Variants in SLC25A37 observed in about 807,000 individuals in gnomAD.
SLC25A37 encodes the protein solute carrier family 25 member 37, also known as mitoferrin-1.
A neutral mutation model predicts 31.0 loss-of-function variants in SLC25A37; 17 were observed. The ratio of observed to expected loss-of-function variants is 0.55; its 90% confidence interval spans 0.38 to 0.82. The LOEUF is 0.82. Among genes scored for constraint, SLC25A37 ranks in the 40% least tolerant of loss-of-function variants. SLC25A37 has a pLI of 0.00. For missense variants in SLC25A37, 404 were observed against 465.8 expected (o/e 0.87, Z 1.22); for synonymous variants, 222 against 193.0 (o/e 1.15, Z -1.24).
intron 1 of SLC25A37, among the ~76,000 whole-genome samples, chr8:23,563,936 G>A (rs903049937): frequency 1.3e-5 from 2 of 152,132 alleles, no homozygotes; most frequent in African/African-American, 4.8e-5. Context: ...AGCCGAGATT[G>A]TGCCACTGCA....
At chr8:23,531,466 T>G (rs562170769) in intron 1 of SLC25A37, among the ~76,000 whole-genome samples, 1 of 152,358 alleles carries the variant, frequency 6.6e-6, no homozygotes, top group South Asian at 2.1e-4. Context: ...CCTCTCCACA[T>G]TTTTAACCCA....
chr8:23,530,998 C>T (rs965448798), intron 1 of SLC25A37, among the ~76,000 whole-genome samples: 12 of 152,270 alleles, frequency 7.9e-5, no homozygotes, highest in Admixed American at 2.0e-4. Flanking sequence ...GTATTACTTT[C>T]CATAGCAGTT....
In SLC25A37 at chr8:23,574,817, C is replaced by T. The variant is rs1377173202; in HGVS notation, c.*2962C>T. 1 of 155,360 alleles carries T rather than the reference C, an allele frequency of 6.4e-6. No homozygotes were observed. Among genetic ancestry groups the T allele is most frequent in the Non-Finnish European group, 1.5e-5 (1 of 68,350 alleles). 9.6% of individuals were successfully genotyped at this position (155,360 alleles called of 1,614,324 possible). A position where few individuals can be genotyped will look rare whatever the true frequency, so the allele number is the denominator to read the frequency against. On this transcript the variant is annotated 3_prime_UTR_variant, in exon 4 of 4. Transcript: ENST00000519973. ...GGTGACCAATTCAGTGTAACCTTTG[C>T]ACGTACTCAGTCATTGGTGTCTTTG...
chr8:23,554,043 C>T (rs570155385), intron 1 of SLC25A37, among the ~76,000 whole-genome samples: 1 of 116,458 alleles, frequency 8.6e-6, no homozygotes, highest in Admixed American at 8.0e-5. Flanking sequence ...GCGTCCATCC[C>T]TTTGTGAGAG....
chr8:23,565,309 C>A (rs1266509456), intron 1 of SLC25A37, among the ~76,000 whole-genome samples: 4 of 152,116 alleles, frequency 2.6e-5, no homozygotes, highest in African/African-American at 9.7e-5. Context: ...AATTAACCAT[C>A]ACACCTGTGC....
chr8:23,537,360 G>A (rs903041293), intron 1 of SLC25A37, among the ~76,000 whole-genome samples: 1 of 152,038 alleles, frequency 6.6e-6, no homozygotes, highest in African/African-American at 2.4e-5. Flanking sequence ...TATTTGTATT[G>A]TTTATGGTCT....
intron 1 of SLC25A37, among the ~76,000 whole-genome samples, chr8:23,548,809 A>G (rs533644677): frequency 6.6e-6 from 1 of 152,172 alleles, no homozygotes; most frequent in Admixed American, 6.5e-5. Context: ...GAAACACAGC[A>G]TTAAGGGTAA....
intron 1 of SLC25A37, among the ~76,000 whole-genome samples, chr8:23,536,968 GGAGGATCACTT>G (rs769073518): frequency 1.3e-5 from 2 of 152,298 alleles, no homozygotes; most frequent in Non-Finnish European, 2.9e-5. Context: ...GGCCGAGGTG[GGAGGATCACTT>G]GAGGCCAGGA....
intron 1 of SLC25A37, among the ~76,000 whole-genome samples, chr8:23,549,687 A>G (rs1219959072): frequency 4.6e-5 from 7 of 152,114 alleles, no homozygotes; most frequent in Non-Finnish European, 1.0e-4. Flanking sequence ...TAGAGCTGTG[A>G]CTTGGCACCA....
At chr8:23,544,978 C>T (rs758689023) in intron 1 of SLC25A37, among the ~76,000 whole-genome samples, 5 of 152,228 alleles carry the variant, frequency 3.3e-5, no homozygotes, top group Admixed American at 6.5e-5. Context: ...GGAGGCTAAG[C>T]GGTCACATCA....
chr8:23,550,718 G>A, intron 1 of SLC25A37, among the ~76,000 whole-genome samples: 1 of 152,266 alleles, frequency 6.6e-6, no homozygotes, highest in East Asian at 1.9e-4. Context: ...GAACAGGGCT[G>A]TGTCCATCTT....
intron 1 of SLC25A37, among the ~76,000 whole-genome samples, chr8:23,546,538 T>C (rs1317905613): frequency 4.5e-5 from 1 of 22,044 alleles, no homozygotes; most frequent in Admixed American, 3.7e-4. Flanking sequence ...GGTGTATATA[T>C]ATATATATAT....
Position 23,538,396 on chromosome 8 carries a change from AAAAAAAAAAAC to A in SLC25A37, c.210+9185_210+9195del, listed in dbSNP as rs1289167350. ...ACTTCATCTCAAAAAAAAAAAAAAAAAAAAAAAAAACCAGAAAAAAAAACTTGCCATTAAAC... is the reference window on the plus strand; with the variant it reads ...ACTTCATCTCAAAAAAAAAAAAAAAACAGAAAAAAAAACTTGCCATTAAAC... On this transcript the variant is annotated intron_variant, in intron 1 of 3. Transcript: ENST00000519973. Among the ~76,000 whole-genome samples, 3 of 143,610 alleles carry A rather than the reference AAAAAAAAAAAC, an allele frequency of 2.1e-5. 1 individual carries two copies. Among genetic ancestry groups the A allele is most frequent in the African/African-American group, 2.6e-5 (1 of 39,000 alleles). 94.2% of individuals were successfully genotyped at this position (143,610 alleles called of 152,430 possible).
chr8:23,550,613 A>G (rs988271464), intron 1 of SLC25A37, among the ~76,000 whole-genome samples: 2 of 152,194 alleles, frequency 1.3e-5, no homozygotes, highest in South Asian at 2.1e-4. Flanking sequence ...TGGCCTGTCC[A>G]GTGTGGACAG....
chr8:23,529,131 C>T lies in SLC25A37; in HGVS notation c.129C>T (p.Ala43=). Residue 43 remains alanine (A), a synonymous_variant, in exon 1 of 4, where the codon GCC becomes GCT. Transcript: ENST00000519973. The surrounding 1 kb of genome is among the most constrained non-coding windows in gnomAD (Gnocchi z 4.1). ...ACTACGAGAACCTGCCGACTAGCGC[C>T]TCCGTGTCCACCCACATGACAGCAG... is the stretch of plus-strand genomic sequence containing the variant. ...SEDYENLPTS[A]SVSTHMTAGA... is the part of the protein sequence containing the mutation. 1.2e-6 allele frequency: 2 copies of T among 1,611,684 alleles called. 1 individual carries two copies. Among genetic ancestry groups the T allele is most frequent in the South Asian group, 2.2e-5 (2 of 90,768 alleles).
chr8:23,565,806 G>T (rs547875889), intron 1 of SLC25A37, among the ~76,000 whole-genome samples: 1 of 152,294 alleles, frequency 6.6e-6, no homozygotes, highest in Admixed American at 6.5e-5. Context: ...AAGGTCTTAG[G>T]GCCTAGGGAT....
At chr8:23,554,224 T>C (rs544640684) in intron 1 of SLC25A37, among the ~76,000 whole-genome samples, 117 of 152,330 alleles carry the variant, frequency 7.7e-4, no homozygotes, top group African/African-American at 2.8e-3. Flanking sequence ...TTTATTGTTA[T>C]AATTATTTTG....
At position 23,537,971 on chromosome 8, in the gene SLC25A37, C is replaced by A. The variant is rs376320381; in HGVS notation, c.210+8759C>A. On this transcript the variant is annotated intron_variant, in intron 1 of 3. Coordinates refer to ENST00000519973, the MANE Select transcript of SLC25A37 (RefSeq NM_016612.4). ...AGACTGAAACTCTTTCCTCCTCCAGCCTTTCTTGGACTCATCCACAGAATG... is the reference window on the plus strand; with the variant it reads ...AGACTGAAACTCTTTCCTCCTCCAGACTTTCTTGGACTCATCCACAGAATG... Among the ~76,000 whole-genome samples the A allele has an allele frequency of 3.5e-4, 53 of 152,144 alleles. 2 individuals carry two copies. Among genetic ancestry groups the A allele is most frequent in the South Asian group, 2.9e-3 (14 of 4,826 alleles).
At chr8:23,531,600 T>C (rs1380610129) in intron 1 of SLC25A37, 1 of 152,312 alleles carries the variant, frequency 6.6e-6, no homozygotes, top group East Asian at 1.9e-4. Context: ...GAAAGCTTTC[T>C]CCAGTTTTGA....
Sources: allele counts gnomAD v4.1 joint callset (sites outside exome capture counted in the v4.1 genomes callset), GRCh38; gene constraint gnomAD v4.1.1; non-coding constraint Gnocchi (gnomAD v3.1); transcripts MANE v1.5; gene names NCBI Gene and HGNC (gene_info 2026-07-23, HGNC 2026-07-21).